The following ARHGAP12 variants were observed in gnomAD, a reference collection of about 807,000 sequenced individuals.
ARHGAP12 encodes the protein rho GTPase-activating protein 12.
A neutral mutation model predicts 108.6 loss-of-function variants in ARHGAP12; 64 were observed. The ratio of observed to expected loss-of-function variants is 0.59; its 90% CI spans 0.48 to 0.73. The LOEUF (loss-of-function observed/expected upper bound fraction) is 0.73. Among genes scored for constraint, ARHGAP12 ranks in the 30% least tolerant of loss-of-function variants. The probability of loss-of-function intolerance (pLI) is 0.00; values close to 1 mark genes in which losing one functional copy is unlikely to be tolerated. For synonymous variants in ARHGAP12, 312 were observed against 337.2 expected (o/e 0.93, Z 0.82); for missense variants, 940 against 1,005.9 (o/e 0.93, Z 0.89).
At chr10:31,817,704 G>T in intron 13 of ARHGAP12, 84 bp downstream of exon 13, 1 of 864,524 alleles carries the variant, frequency 1.2e-6, no homozygotes. Flanking sequence ...CATATAGATT[G>T]CAATCCGGAT....
intron 1 of ARHGAP12, among the ~76,000 whole-genome samples, chr10:31,926,607 G>A (rs1179524363): frequency 6.6e-6 from 1 of 152,126 alleles, no homozygotes; most frequent in Admixed American, 6.5e-5. Context: ...ACTGTTTAAT[G>A]GTTAAACAGA....
intron 1 of ARHGAP12, among the ~76,000 whole-genome samples, chr10:31,921,033 T>C (rs948544374): frequency 6.6e-6 from 1 of 152,158 alleles, no homozygotes; most frequent in African/African-American, 2.4e-5. Flanking sequence ...TCCCAGCTCT[T>C]TGGGAGTCGG....
At chr10:31,920,671 T>A (rs1008220286) in intron 1 of ARHGAP12, among the ~76,000 whole-genome samples, 1 of 125,754 alleles carries the variant, frequency 8.0e-6, no homozygotes, top group African/African-American at 2.6e-5. Flanking sequence ...ATAAAGTTTT[T>A]GTTTTTGTTT....
rs11008667 is a variant in ARHGAP12 at position 31,821,869 on chromosome 10, C to G, written c.1531-1381G>C. On this transcript the variant is annotated intron_variant, in intron 11 of 19. Transcript: ENST00000344936. ...ATCGAAAGACAAATTAAACATAAAG[C>G]TATATGTTGGGCATAACTTTCTGAG... Among the ~76,000 whole-genome samples, 158 of 152,238 alleles carry G rather than the reference C, an allele frequency of 1.0e-3. 3 individuals are homozygous for G. The East Asian group carries it at 0.028, about 27-fold the overall frequency.
At chr10:31,848,281 C>T (rs1299463854) in intron 6 of ARHGAP12, among the ~76,000 whole-genome samples, 1 of 152,170 alleles carries the variant, frequency 6.6e-6, no homozygotes, top group Admixed American at 6.5e-5. Flanking sequence ...AGTAGGTGAT[C>T]TGTCCTTTCC....
At chr10:31,869,261 G>C (rs541205844) in intron 3 of ARHGAP12, among the ~76,000 whole-genome samples, 1 of 152,240 alleles carries the variant, frequency 6.6e-6, no homozygotes, top group Non-Finnish European at 1.5e-5. Flanking sequence ...AACAGGCCAG[G>C]CACCGTGGCT....
rs943691536 is a variant in ARHGAP12 at position 31,920,212 on chromosome 10, G to A, written c.-111+8471C>T. Among the ~76,000 whole-genome samples, 3 of 151,886 alleles carry A rather than the reference G, an allele frequency of 2.0e-5. No individual in the cohort carries two copies. The South Asian group carries it at 6.2e-4, about 31-fold the overall frequency. ...TCACACCTGTAATCCCAGCACTCTG[G>A]GAGGCAGAGGTGGGCGGATCACAAG... On this transcript the variant is annotated intron_variant, in intron 1 of 19. Transcript: ENST00000344936.
chr10:31,808,651 T>C lies in ARHGAP12; in HGVS notation c.2364A>G (p.Arg788=), dbSNP rs747014050. The change falls in exon 19 of 20, where the codon AGA becomes AGG. Residue 788 remains arginine, a splice_region_variant and synonymous_variant. Transcript: ENST00000344936. The stretch of plus-strand genomic sequence containing the variant: ...CCATGACTGGGCAGTCCTCCTACCT[T>C]CTGAGATGTCGGAAAAGAATCTGCA... ...DTMQILFRHL[R]RVIENGEKNR... 2.4e-5 allele frequency: 39 copies of C among 1,613,252 alleles called. No homozygotes were observed. The Admixed American group carries it at 6.3e-4, about 26-fold the overall frequency.
At chr10:31,844,046 A>G (rs1836362618) in intron 6 of ARHGAP12, among the ~76,000 whole-genome samples, 1 of 152,172 alleles carries the variant, frequency 6.6e-6, no homozygotes, top group Non-Finnish European at 1.5e-5. Context: ...GCATTATTTT[A>G]AAAACCTAAA....
chr10:31,914,121 G>A (rs963351723), intron 1 of ARHGAP12, among the ~76,000 whole-genome samples: 8 of 152,116 alleles, frequency 5.3e-5, no homozygotes, highest in African/African-American at 1.7e-4. Flanking sequence ...AGCTGCAGTT[G>A]TTTGTTAAAA....
chr10:31,861,654 G>A lies in ARHGAP12; in HGVS notation c.689C>T (p.Thr230Ile), dbSNP rs767044031. Residue 230 changes from threonine (T) to isoleucine (I), a missense_variant, in exon 4 of 20, where the codon ACC becomes ATC. By Grantham distance (89) the Thr-to-Ile change is moderately conservative (BLOSUM62 -1). Transcript: ENST00000344936. ...SSSSTEQIRATTPPNQGRPDS... is the reference protein window; with the variant it reads ...SSSSTEQIRAITPPNQGRPDS... ...TGGCCTTCCTTGATTTGGAGGTGTG[G>A]TTGCCTGTGAAATAAACATTTTTAA... 7.7e-5 allele frequency: 123 copies of A among 1,587,350 alleles called. No individual in the cohort carries two copies. Among genetic ancestry groups the A allele is most frequent in the Non-Finnish European group, 1.0e-4 (120 of 1,171,042 alleles).
At chr10:31,829,374 A>G (rs1385654838) in intron 10 of ARHGAP12, among the ~76,000 whole-genome samples, 2 of 152,222 alleles carry the variant, frequency 1.3e-5, no homozygotes, top group Non-Finnish European at 2.9e-5. Flanking sequence ...TTTCAGCGTT[A>G]TGAGATGAAA....
At chr10:31,894,918 A>T (rs1283269245) in intron 3 of ARHGAP12, among the ~76,000 whole-genome samples, 1 of 152,222 alleles carries the variant, frequency 6.6e-6, no homozygotes, top group Non-Finnish European at 1.5e-5. Flanking sequence ...CCAATGGAAC[A>T]GAACAGAGGC....
At chr10:31,856,258 C>G (rs1007123959) in intron 4 of ARHGAP12, among the ~76,000 whole-genome samples, 2 of 151,854 alleles carry the variant, frequency 1.3e-5, no homozygotes, top group African/African-American at 4.8e-5. Flanking sequence ...AGAATCAAGA[C>G]AGTCAAGCAG....
At chr10:31,896,871 G>A (rs1838721365) in intron 3 of ARHGAP12, among the ~76,000 whole-genome samples, 1 of 152,112 alleles carries the variant, frequency 6.6e-6, no homozygotes. Flanking sequence ...CCAAAGTCAC[G>A]TGTCAAACCA....
At chr10:31,917,467 G>C (rs1053428703) in intron 1 of ARHGAP12, among the ~76,000 whole-genome samples, 1 of 152,046 alleles carries the variant, frequency 6.6e-6, no homozygotes, top group African/African-American at 2.4e-5. Context: ...TGAAACTTTC[G>C]ATCTCCTAAC....
At chr10:31,913,371 C>T (rs1392867055) in intron 1 of ARHGAP12, 1 of 160,346 alleles carries the variant, frequency 6.2e-6, no homozygotes, top group Admixed American at 6.3e-5. Context: ...AAGCCTACAC[C>T]CCTCCTAAAG....
chr10:31,922,831 A>G (rs1839876246), intron 1 of ARHGAP12, among the ~76,000 whole-genome samples: 1 of 152,182 alleles, frequency 6.6e-6, no homozygotes, highest in African/African-American at 2.4e-5. Context: ...CATTATAAAA[A>G]AGAAAAAAAT....
intron 3 of ARHGAP12, among the ~76,000 whole-genome samples, chr10:31,907,680 GACTAATACTCAGTGAA>G (rs1839193147): frequency 6.7e-6 from 1 of 149,022 alleles, no homozygotes; most frequent in African/African-American, 2.5e-5. Flanking sequence ...AATTTTTCCA[GACTAATACTCAGTGAA>G]ATCAAGTGTG....
Sources: gnomAD v4.1 joint callset for allele counts (sites outside exome capture counted in the v4.1 genomes callset) on GRCh38, gnomAD v4.1.1 for gene constraint, MANE v1.5 for transcripts, NCBI Gene and HGNC (gene_info 2026-07-23, HGNC 2026-07-21) for gene names.